DLG2: variants seen among roughly 807,000 people sequenced by gnomAD.
DLG2 encodes the protein discs large MAGUK scaffold protein 2.
DLG2 carries 45 observed loss-of-function variants against 132.5 expected under a neutral mutation model. That is an observed-to-expected ratio of 0.34 (90% CI 0.27 to 0.44). The LOEUF (loss-of-function observed/expected upper bound fraction) is 0.44, where lower values mean the gene tolerates loss of function less well. Ranked by LOEUF, DLG2 falls within the 20% of genes least tolerant of loss-of-function variation. The probability of loss-of-function intolerance (pLI) is 1.00; values close to 1 mark genes in which losing one functional copy is unlikely to be tolerated. For synonymous variants in DLG2, 424 were observed against 419.6 expected (o/e 1.01, Z -0.13); for missense variants, 1,045 against 1,196.9 (o/e 0.87, Z 1.87).
At chr11:84,860,592 G>A (rs559957782) in intron 6 of DLG2, among the ~76,000 whole-genome samples, 1 of 152,062 alleles carries the variant, frequency 6.6e-6, no homozygotes, top group East Asian at 1.9e-4. Flanking sequence ...CAAGTTGACT[G>A]GTAAAGAAAT....
intron 10 of DLG2, among the ~76,000 whole-genome samples, chr11:84,064,963 T>C (rs113989828): frequency 8.7e-4 from 133 of 152,242 alleles, no homozygotes; most frequent in African/African-American, 3.0e-3. Context: ...AAACAAGCAA[T>C]GGGGAAAGGA....
intron 3 of DLG2, among the ~76,000 whole-genome samples, chr11:85,557,685 A>T (rs1217180792): frequency 6.6e-6 from 1 of 151,860 alleles, no homozygotes; most frequent in Non-Finnish European, 1.5e-5. Context: ...GACAAAGTCC[A>T]GCAAAAACAA....
At chr11:84,060,814 T>TC (rs147580813) in intron 10 of DLG2, among the ~76,000 whole-genome samples, 4,791 of 152,034 alleles carry the variant, frequency 0.032, 115 homozygotes, top group Non-Finnish European at 0.049. Context: ...ATGCTTCTTT[T>TC]CCCCCACCAC....
At chr11:84,274,544 C>T (rs904578933) in intron 7 of DLG2, among the ~76,000 whole-genome samples, 8 of 152,122 alleles carry the variant, frequency 5.3e-5, no homozygotes, top group African/African-American at 1.9e-4. Flanking sequence ...ATTTGGGTTA[C>T]CTAGTTTTCC....
At chr11:83,774,583 T>G (rs1247973822) in intron 18 of DLG2, among the ~76,000 whole-genome samples, 1 of 152,074 alleles carries the variant, frequency 6.6e-6, no homozygotes, top group Non-Finnish European at 1.5e-5. Context: ...TCTTCCTATA[T>G]TTCAGGCCCA....
intron 3 of DLG2, among the ~76,000 whole-genome samples, chr11:85,536,211 T>C (rs1203052319): frequency 2.7e-5 from 3 of 113,064 alleles, no homozygotes; most frequent in African/African-American, 1.1e-4. Flanking sequence ...TGTGACCCTG[T>C]CTCAAAAAAA....
chr11:84,567,149 A>G (rs1397591218), intron 6 of DLG2, among the ~76,000 whole-genome samples: 1 of 152,168 alleles, frequency 6.6e-6, no homozygotes, highest in Non-Finnish European at 1.5e-5. Flanking sequence ...CTAGCCTTTA[A>G]CTTAGCCACA....
intron 11 of DLG2, among the ~76,000 whole-genome samples, chr11:84,054,895 TA>T (rs1345761206): frequency 6.6e-6 from 1 of 152,090 alleles, no homozygotes; most frequent in Non-Finnish European, 1.5e-5. Flanking sequence ...TTGGCATTAA[TA>T]ATCTATAAAA....
chr11:85,354,937 T>C (rs1157740396), intron 3 of DLG2, among the ~76,000 whole-genome samples: 4 of 152,112 alleles, frequency 2.6e-5, no homozygotes, highest in Non-Finnish European at 4.4e-5. Flanking sequence ...AAAAAACAGA[T>C]AACATTTCTT....
At chr11:83,765,284 A>G (rs1444788781) in intron 18 of DLG2, among the ~76,000 whole-genome samples, 1 of 152,258 alleles carries the variant, frequency 6.6e-6, no homozygotes, top group Non-Finnish European at 1.5e-5. Context: ...GATGGGATAC[A>G]GAATTAAAAA....
chr11:84,700,223 A>G (rs781719772), intron 6 of DLG2, among the ~76,000 whole-genome samples: 31 of 151,660 alleles, frequency 2.0e-4, no homozygotes, highest in Admixed American at 5.3e-4. Flanking sequence ...TTTATAAATT[A>G]TAGCATCAAG....
intron 7 of DLG2, among the ~76,000 whole-genome samples, chr11:84,278,472 AT>A (rs10559001): frequency 0.078 from 11,862 of 151,382 alleles, 1,050 homozygotes; most frequent in African/African-American, 0.21. Flanking sequence ...TTTCCAGATC[AT>A]TTTTTTTTTT....
At chr11:84,641,987 ATG>A (rs141154783) in intron 6 of DLG2, among the ~76,000 whole-genome samples, 15,880 of 147,528 alleles carry the variant, frequency 0.11, 906 homozygotes, top group South Asian at 0.17. Context: ...GCATGTGTGT[ATG>A]TGTGTGTGGA....
intron 17 of DLG2, among the ~76,000 whole-genome samples, chr11:83,812,896 C>T (rs757125140): frequency 1.6e-4 from 25 of 152,128 alleles, no homozygotes; most frequent in Admixed American, 4.6e-4. Context: ...GGCCAATGCC[C>T]ATTCCTCTTA....
At chr11:84,180,260 G>A (rs1261625233) in intron 8 of DLG2, among the ~76,000 whole-genome samples, 1 of 152,070 alleles carries the variant, frequency 6.6e-6, no homozygotes, top group African/African-American at 2.4e-5. Flanking sequence ...TGATTCTTAC[G>A]TGGCTGAGAA....
At chr11:84,485,954 C>T (rs2099149654) in intron 7 of DLG2, among the ~76,000 whole-genome samples, 1 of 152,000 alleles carries the variant, frequency 6.6e-6, no homozygotes, top group South Asian at 2.1e-4. Context: ...GTAGCTATAC[C>T]ATCTAAAACA....
Position 85,191,162 on chromosome 11 carries a change from GCACACACACACACACA to G in DLG2, c.187-36527_187-36512del, listed in dbSNP as rs3067460. On this transcript the variant is annotated intron_variant, in intron 4 of 27. Coordinates refer to ENST00000376104, the MANE Select transcript of DLG2 (RefSeq NM_001142699.3). ...TATGCATGCGCGCGCGCGCACGCGCGCACACACACACACACACACACACACACACACACACACACAC... is the reference window on the plus strand; with the variant it reads ...TATGCATGCGCGCGCGCGCACGCGCGCACACACACACACACACACACACAC... Among the ~76,000 whole-genome samples the G allele has an allele frequency of 4.6e-4, 65 of 139,924 alleles. 1 individual carries two copies. The highest frequency in any genetic ancestry group is 7.2e-4 in the Non-Finnish European group (47 of 65,440). 91.8% of individuals were successfully genotyped at this position (139,924 alleles called of 152,430 possible). A position where few individuals can be genotyped will look rare whatever the true frequency, so the allele number is the denominator to read the frequency against.
At chr11:84,615,780 A>T (rs1176140610) in intron 6 of DLG2, among the ~76,000 whole-genome samples, 1 of 148,472 alleles carries the variant, frequency 6.7e-6, no homozygotes, top group Non-Finnish European at 1.5e-5. Context: ...TTAAATTTTT[A>T]AAATCCCTAC....
intron 9 of DLG2, among the ~76,000 whole-genome samples, chr11:84,145,760 C>T (rs968782570): frequency 1.2e-4 from 18 of 152,202 alleles, no homozygotes; most frequent in African/African-American, 4.3e-4. Context: ...GGAGATAACT[C>T]AGCTGAGCAC....
Sources: allele counts gnomAD v4.1 joint callset (sites outside exome capture counted in the v4.1 genomes callset), GRCh38; gene constraint gnomAD v4.1.1; transcripts MANE v1.5; gene names NCBI Gene and HGNC (gene_info 2026-07-23, HGNC 2026-07-21).